The following TMEM39B variants were observed in gnomAD, a reference collection of about 807,000 sequenced individuals.
TMEM39B encodes the protein transmembrane protein 39B.
Under a neutral mutation model 52.2 loss-of-function variants are expected in TMEM39B, and 23 were observed. The ratio of observed to expected loss-of-function variants is 0.44; its 90% confidence interval spans 0.32 to 0.62. The LOEUF is 0.62. TMEM39B is among the 20% of genes least tolerant of loss of function. The probability of loss-of-function intolerance (pLI) is 0.06; values close to 1 mark genes in which losing one functional copy is unlikely to be tolerated. For missense variants in TMEM39B, 547 were observed against 642.0 expected, an observed-to-expected ratio of 0.85 and a Z score of 1.60; for synonymous variants, 285 against 264.0, an observed-to-expected ratio of 1.08 and a Z score of -0.77.
rs138014492 is a variant in TMEM39B at position 32,091,780 on chromosome 1, G to A, written c.696G>A (p.Leu232=). ...GGCCCCGGGAGGCGGTCAGTGGCCT[G>A]GCAAAGAGCCGGGACTACCTCCTGA... is the stretch of plus-strand genomic sequence containing the variant. The part of the protein sequence containing the change: ...SMGPREAVSG[L]AKSRDYLLTL... The change falls in exon 6 of 9, where the codon CTG becomes CTA. Residue 232 remains leucine (L), a synonymous_variant. Coordinates refer to ENST00000336294, the MANE Select transcript of TMEM39B (RefSeq NM_018056.4). 3 of 1,614,108 alleles carry A rather than the reference G, an allele frequency of 1.9e-6. No individual in the cohort carries two copies. Among genetic ancestry groups the A allele is most frequent in the Non-Finnish European group, 2.5e-6 (3 of 1,180,056 alleles).
chr1:32,072,875 A>G (rs1639693148), upstream of TMEM39B: 2 of 838,164 alleles, frequency 2.4e-6, no homozygotes, highest in Non-Finnish European at 3.5e-6. Flanking sequence ...CCCTTTAAGA[A>G]GCGCGCGCCA....
intron 6 of TMEM39B, among the ~76,000 whole-genome samples, chr1:32,092,894 C>T (rs1046833352): frequency 6.6e-6 from 1 of 152,230 alleles, no homozygotes; most frequent in Non-Finnish European, 1.5e-5. Context: ...ATTCGTAATA[C>T]TTGATTACAA....
chr1:32,096,009 C>T (rs1035801579), intron 7 of TMEM39B, among the ~76,000 whole-genome samples: 3 of 152,164 alleles, frequency 2.0e-5, no homozygotes, highest in Non-Finnish European at 2.9e-5. Context: ...CGTGGTCCTT[C>T]GCGTGGCTTC....
chr1:32,085,992 T>G (rs1483790058), intron 5 of TMEM39B, among the ~76,000 whole-genome samples: 1 of 152,054 alleles, frequency 6.6e-6, no homozygotes, highest in Non-Finnish European at 1.5e-5. Flanking sequence ...TGGCAGGCTT[T>G]GCTTTGAGGA....
In TMEM39B at chr1:32,084,296, T is replaced by G. The variant is rs571199477; in HGVS notation, c.590+6978T>G. 5.9e-5 allele frequency among the ~76,000 whole-genome samples: 9 copies of G among 152,246 alleles called. 1 individual carries two copies. In the South Asian group the frequency reaches 1.9e-3, roughly 32 times the overall value. On this transcript the variant is annotated intron_variant, in intron 5 of 8. Transcript: ENST00000336294. ...TACAAAGGCATCCCTCCTGGAGCCC[T>G]TCCTCCTCCTGCTGCAGTCTGGAGT...
In TMEM39B at chr1:32,077,195, G is replaced by A. The variant is rs190656315; in HGVS notation, c.467G>A (p.Arg156His). The A allele has an allele frequency of 2.7e-5, 43 of 1,614,078 alleles. No individual in the cohort carries two copies. The South Asian group carries it at 2.7e-4, about 10-fold the overall frequency. ...CAGAGGGGGAAGGTCTCCCTCTTTC[G>A]CTCCATCCTGCTGTTCCTCACTCGC... ...ASQRGKVSLF[R>H]SILLFLTRFT... Residue 156 changes from arginine (R) to histidine (H), a missense_variant, in exon 5 of 9, where the codon CGC becomes CAC. Arg to His is a conservative substitution (Grantham distance 29). Coordinates refer to ENST00000336294, the MANE Select transcript of TMEM39B (RefSeq NM_018056.4).
At chr1:32,098,163 AT>A (rs1244097016) in intron 7 of TMEM39B, among the ~76,000 whole-genome samples, 1 of 148,980 alleles carries the variant, frequency 6.7e-6, no homozygotes, top group African/African-American at 2.5e-5. Context: ...TGCCCCGCTA[AT>A]TTTTTTTTGT....
At chr1:32,077,981 T>G (rs1197747542) in intron 5 of TMEM39B, among the ~76,000 whole-genome samples, 1 of 152,230 alleles carries the variant, frequency 6.6e-6, no homozygotes, top group Middle Eastern at 3.4e-3. Flanking sequence ...TCTGGCTGCT[T>G]CTGGGGCAGG....
rs759848748 is a variant in TMEM39B at position 32,094,951 on chromosome 1, C to T, written c.1095C>T (p.Cys365=). 2 of 1,613,354 alleles carry T rather than the reference C, an allele frequency of 1.2e-6. No homozygotes were observed. The highest frequency in any genetic ancestry group is 1.7e-5 in the Admixed American group (1 of 60,010). The change falls in exon 7 of 9, where the codon TGC becomes TGT. Residue 365 remains cysteine (C), a synonymous_variant. Transcript: ENST00000336294. ...GCWQKVDPAL[C]SNVLQHPWTE... ...GGCAGAAGGTGGACCCAGCGCTGTG[C>T]TCCAACGTGCTGCAGCACCCGTGAG...
intron 5 of TMEM39B, among the ~76,000 whole-genome samples, chr1:32,077,883 G>A (rs1487137300): frequency 6.6e-6 from 1 of 152,178 alleles, no homozygotes; most frequent in Non-Finnish European, 1.5e-5. Flanking sequence ...ACCCTAGATT[G>A]TTGAGGATGG....
chr1:32,082,540 C>T (rs765447347), intron 5 of TMEM39B, among the ~76,000 whole-genome samples: 11 of 150,680 alleles, frequency 7.3e-5, no homozygotes, highest in Non-Finnish European at 1.3e-4. Context: ...CTGCAACCTC[C>T]GCCTCCCAGG....
At chr1:32,096,851 C>T (rs375515644) in intron 7 of TMEM39B, among the ~76,000 whole-genome samples, 1 of 151,548 alleles carries the variant, frequency 6.6e-6, no homozygotes, top group African/African-American at 2.4e-5. Flanking sequence ...GTCTCCCAGG[C>T]TGGAGTGCAG....
intron 5 of TMEM39B, among the ~76,000 whole-genome samples, chr1:32,090,620 T>TG (rs1640565496): frequency 2.7e-5 from 4 of 149,590 alleles, no homozygotes; most frequent in South Asian, 2.3e-4. Flanking sequence ...CCTAATTTTT[T>TG]TTTGTTGTTG....
At chr1:32,078,867 C>T (rs1454962665) in intron 5 of TMEM39B, among the ~76,000 whole-genome samples, 1 of 152,106 alleles carries the variant, frequency 6.6e-6, no homozygotes, top group Non-Finnish European at 1.5e-5. Context: ...TCTCGAACTC[C>T]TGGCCTCAAG....
chr1:32,083,409 CTTTTTTTTTTTTTTTT>C (rs1052027069), intron 5 of TMEM39B, among the ~76,000 whole-genome samples: 14 of 54,620 alleles, frequency 2.6e-4, no homozygotes, highest in South Asian at 1.7e-3. Flanking sequence ...TAAAGGACTT[CTTTTTTTTTTTTTTTT>C]TTTTTTTTTT....
chr1:32,073,924 T>G (rs753594436), intron 1 of TMEM39B: 22 of 976,468 alleles, frequency 2.3e-5, no homozygotes, highest in Non-Finnish European at 2.7e-5. Flanking sequence ...GTATATATAT[T>G]TTTTAATAGA....
chr1:32,084,592 CAG>C (rs1413403402), intron 5 of TMEM39B, among the ~76,000 whole-genome samples: 2 of 151,772 alleles, frequency 1.3e-5, no homozygotes, highest in African/African-American at 4.8e-5. Context: ...ATTTTTGAGA[CAG>C]AGTCTCGCTC....
chr1:32,095,404 G>A (rs1042823022), intron 7 of TMEM39B, among the ~76,000 whole-genome samples: 2 of 152,144 alleles, frequency 1.3e-5, no homozygotes, highest in East Asian at 3.9e-4. Flanking sequence ...TAGGCCCAGC[G>A]GAGATAGAGG....
At chr1:32,096,949 G>A (rs192694850) in intron 7 of TMEM39B, among the ~76,000 whole-genome samples, 13 of 151,978 alleles carry the variant, frequency 8.6e-5, no homozygotes, top group Admixed American at 4.6e-4. Flanking sequence ...GATTACAGGC[G>A]CATGCCACCA....
Sources: allele counts gnomAD v4.1 joint callset (sites outside exome capture counted in the v4.1 genomes callset), GRCh38; gene constraint gnomAD v4.1.1; transcripts MANE v1.5; gene names NCBI Gene and HGNC (gene_info 2026-07-23, HGNC 2026-07-21).